CTNNA3: variants seen among roughly 807,000 people sequenced by gnomAD.
CTNNA3 encodes catenin alpha 3.
Under a neutral mutation model 95.7 loss-of-function variants are expected in CTNNA3, and 76 were observed. That is an observed-to-expected ratio of 0.79 (90% CI 0.66 to 0.96). The LOEUF is 0.96. Ranked by LOEUF, CTNNA3 falls within the 40% of genes least tolerant of loss-of-function variation. The pLI, the probability that CTNNA3 is intolerant of heterozygous loss-of-function variation, is 0.00. For synonymous variants in CTNNA3, 431 were observed against 374.4 expected (o/e 1.15, Z -1.74); for missense variants, 1,191 against 1,089.8 (o/e 1.09, Z -1.31).
intron 12 of CTNNA3, among the ~76,000 whole-genome samples, chr10:66,355,571 CTCTT>C (rs900746216): frequency 4.6e-5 from 7 of 151,842 alleles, no homozygotes; most frequent in South Asian, 2.1e-4. Context: ...GAATAGGAAA[CTCTT>C]TATTTTTGAA....
chr10:67,477,214 G>T (rs373309129), intron 5 of CTNNA3, among the ~76,000 whole-genome samples: 1 of 151,742 alleles, frequency 6.6e-6, no homozygotes, highest in African/African-American at 2.4e-5. Context: ...ATCCAAGGAG[G>T]TTTCCATCTC....
At position 67,271,231 on chromosome 10, in the gene CTNNA3, A is replaced by T. The variant is rs145329949; in HGVS notation, c.580-51361T>A. ...CGTTCCCACCCAAATCTCATTTTGA[A>T]TTGTAATCCCAATAATCCTCATGTG... On this transcript the variant is annotated intron_variant, in intron 5 of 17. Coordinates refer to ENST00000433211, the MANE Select transcript of CTNNA3 (RefSeq NM_013266.4). Among the ~76,000 whole-genome samples the T allele has an allele frequency of 2.2e-4, 34 of 152,292 alleles. 2 individuals carry two copies. In the East Asian group the frequency reaches 6.4e-3, roughly 29 times the overall value.
intron 13 of CTNNA3, among the ~76,000 whole-genome samples, chr10:66,278,969 C>T (rs1053705891): frequency 6.6e-6 from 1 of 150,968 alleles, no homozygotes; most frequent in Non-Finnish European, 1.5e-5. Flanking sequence ...GCTGCCCAGA[C>T]ATAGTCATTG....
chr10:67,424,510 C>A (rs1435159199), intron 5 of CTNNA3, among the ~76,000 whole-genome samples: 1 of 151,978 alleles, frequency 6.6e-6, no homozygotes, highest in African/African-American at 2.4e-5. Flanking sequence ...GTTTCTATAG[C>A]ATTTCATTTA....
chr10:66,889,932 A>T (rs566844201), intron 7 of CTNNA3, among the ~76,000 whole-genome samples: 1 of 152,074 alleles, frequency 6.6e-6, no homozygotes, highest in South Asian at 2.1e-4. Context: ...TTGGGATTAC[A>T]GGCTCACGCC....
At position 66,085,445 on chromosome 10, in the gene CTNNA3, T is replaced by A. The variant is rs1026927685; in HGVS notation, c.1978-15956A>T. 3.3e-5 allele frequency among the ~76,000 whole-genome samples: 5 copies of A among 152,284 alleles called. No individual in the cohort carries two copies. In the East Asian group the frequency reaches 9.6e-4, roughly 29 times the overall value. On this transcript the variant is annotated intron_variant, in intron 14 of 17. Transcript: ENST00000433211. The stretch of plus-strand genomic sequence containing the variant: ...ACAATTCACATGCAACTGTAATAGA[T>A]TACATCTTGTCTGTATAATAAGTTA...
chr10:67,486,819 T>C (rs76411587), intron 5 of CTNNA3, among the ~76,000 whole-genome samples: 3,219 of 152,312 alleles, frequency 0.021, 103 homozygotes, highest in African/African-American at 0.068. Flanking sequence ...TGAAGAATTA[T>C]TCTCTTCTTA....
intron 7 of CTNNA3, among the ~76,000 whole-genome samples, chr10:67,138,628 G>A (rs938760491): frequency 3.3e-5 from 5 of 152,240 alleles, no homozygotes; most frequent in South Asian, 2.1e-4. Flanking sequence ...TTGTCTTGTC[G>A]TACAGCACTC....
At chr10:67,204,377 C>G (rs529169750) in intron 6 of CTNNA3, among the ~76,000 whole-genome samples, 13 of 151,854 alleles carry the variant, frequency 8.6e-5, no homozygotes, top group East Asian at 7.8e-4. Flanking sequence ...CACCTCCCCC[C>G]CTCTCTCTTC....
chr10:66,745,681 C>G (rs1838836173), intron 9 of CTNNA3, among the ~76,000 whole-genome samples: 1 of 148,594 alleles, frequency 6.7e-6, no homozygotes, highest in Non-Finnish European at 1.5e-5. Context: ...GCTCCACCTC[C>G]TGGGTTTACA....
At chr10:66,312,432 G>A (rs2092033371) in intron 12 of CTNNA3, among the ~76,000 whole-genome samples, 1 of 152,070 alleles carries the variant, frequency 6.6e-6, no homozygotes. Flanking sequence ...GTTTTTGTGT[G>A]TGTATGTGTG....
intron 12 of CTNNA3, among the ~76,000 whole-genome samples, chr10:66,320,422 A>C (rs2092165078): frequency 6.6e-6 from 1 of 152,120 alleles, no homozygotes; most frequent in Non-Finnish European, 1.5e-5. Context: ...CAGTGTTACC[A>C]AGCATACCAT....
At chr10:67,119,430 A>T (rs911537723) in intron 7 of CTNNA3, among the ~76,000 whole-genome samples, 1 of 151,964 alleles carries the variant, frequency 6.6e-6, no homozygotes, top group African/African-American at 2.4e-5. Flanking sequence ...AAACTCATTA[A>T]TTAAAGCCAA....
At chr10:65,949,517 T>C (rs893556313) in intron 17 of CTNNA3, among the ~76,000 whole-genome samples, 1 of 152,166 alleles carries the variant, frequency 6.6e-6, no homozygotes, top group Non-Finnish European at 1.5e-5. Flanking sequence ...AAAGAGAGCC[T>C]GAGAGAAATT....
intron 13 of CTNNA3, among the ~76,000 whole-genome samples, chr10:66,175,739 A>G (rs912662011): frequency 2.0e-5 from 3 of 152,172 alleles, no homozygotes; most frequent in African/African-American, 7.2e-5. Flanking sequence ...TGGCCTTTAG[A>G]CTGATGCTAA....
chr10:66,120,117 CTTTT>C (rs763752709), intron 13 of CTNNA3, among the ~76,000 whole-genome samples: 2 of 152,072 alleles, frequency 1.3e-5, no homozygotes, highest in Non-Finnish European at 2.9e-5. Context: ...TCTTCCTTCT[CTTTT>C]TTCTTTTCTA....
At chr10:66,173,773 T>G (rs569757585) in intron 13 of CTNNA3, among the ~76,000 whole-genome samples, 1 of 152,248 alleles carries the variant, frequency 6.6e-6, no homozygotes, top group African/African-American at 2.4e-5. Flanking sequence ...AGGTACATAT[T>G]TTTTATTTTA....
chr10:67,049,547 T>C (rs1247250560), intron 7 of CTNNA3, among the ~76,000 whole-genome samples: 2 of 152,160 alleles, frequency 1.3e-5, no homozygotes. Context: ...GTTGAGATGA[T>C]AAAACTTCAA....
At chr10:66,694,217 A>T (rs1158232049) in intron 9 of CTNNA3, among the ~76,000 whole-genome samples, 1 of 152,116 alleles carries the variant, frequency 6.6e-6, no homozygotes, top group African/African-American at 2.4e-5. Context: ...ACCGCTAGCA[A>T]GACTAATAAA....
Sources: gnomAD v4.1 joint callset for allele counts (sites outside exome capture counted in the v4.1 genomes callset) on GRCh38, gnomAD v4.1.1 for gene constraint, MANE v1.5 for transcripts, NCBI Gene and HGNC (gene_info 2026-07-23, HGNC 2026-07-21) for gene names.